The following PTPRD variants were observed in gnomAD, a reference collection of about 807,000 sequenced individuals.
PTPRD encodes protein tyrosine phosphatase receptor type D.
In PTPRD, 34 loss-of-function variants were observed where a neutral mutation model predicts 214.5. The ratio of observed to expected loss-of-function variants is 0.16; its 90% CI spans 0.12 to 0.21. The LOEUF is 0.21. PTPRD is among the 10% of genes least tolerant of loss of function. PTPRD has a pLI of 1.00. For missense variants in PTPRD, 2,545 were observed against 2,398.7 expected, an observed-to-expected ratio of 1.06 and a Z score of -1.27; for synonymous variants, 1,128 against 845.7, an observed-to-expected ratio of 1.33 and a Z score of -5.79.
intron 2 of PTPRD, among the ~76,000 whole-genome samples, chr9:10,518,237 A>G (rs1566685985): frequency 1.3e-5 from 2 of 152,200 alleles, no homozygotes; most frequent in Non-Finnish European, 2.9e-5. Flanking sequence ...ATGGTTCAAT[A>G]TCTTTCAATC....
intron 5 of PTPRD, among the ~76,000 whole-genome samples, chr9:9,841,939 C>A (rs551667455): frequency 2.4e-4 from 36 of 152,020 alleles, no homozygotes; most frequent in African/African-American, 8.7e-4. Flanking sequence ...CACATAAGTA[C>A]TCATGTTAAA....
intron 14 of PTPRD, among the ~76,000 whole-genome samples, chr9:8,530,306 G>A (rs1447862555): frequency 6.6e-6 from 1 of 151,880 alleles, no homozygotes. Context: ...GCCTCTTAGG[G>A]ATCAACTCTC....
intron 3 of PTPRD, among the ~76,000 whole-genome samples, chr9:10,331,436 G>A (rs891892154): frequency 1.3e-5 from 2 of 151,836 alleles, no homozygotes; most frequent in Non-Finnish European, 2.9e-5. Context: ...TGGAGCAGAG[G>A]CAAACCATTT....
chr9:10,003,106 A>C (rs2096373478), intron 4 of PTPRD, among the ~76,000 whole-genome samples: 1 of 151,888 alleles, frequency 6.6e-6, no homozygotes, highest in Non-Finnish European at 1.5e-5. Context: ...AGTGTGTCTT[A>C]AAGGAAAGAT....
At chr9:9,108,303 G>C (rs575834782) in intron 10 of PTPRD, among the ~76,000 whole-genome samples, 5 of 151,942 alleles carry the variant, frequency 3.3e-5, no homozygotes, top group Admixed American at 6.6e-5. Flanking sequence ...TTTCAACAAG[G>C]GGTGAAGATA....
intron 9 of PTPRD, among the ~76,000 whole-genome samples, chr9:9,333,600 G>C (rs1398043228): frequency 1.3e-5 from 2 of 149,590 alleles, no homozygotes; most frequent in African/African-American, 4.9e-5. Context: ...TAAAAGAAAA[G>C]CACTGGTCTG....
rs1017142147 is a variant in PTPRD, at chr9:9,687,714, G to C, written c.-287+46819C>G. On this transcript the variant is annotated intron_variant, in intron 7 of 45. Coordinates refer to ENST00000381196, the MANE Select transcript of PTPRD (RefSeq NM_002839.4). ...GCCTTCTCTGAAATCATGAAATCAA[G>C]ATTCTATTTTCATTTTATTGGTCTC... Among the ~76,000 whole-genome samples the C allele has an allele frequency of 2.0e-5, 3 of 151,526 alleles. No homozygotes were observed. In the South Asian group the frequency reaches 6.2e-4, roughly 32 times the overall value.
intron 6 of PTPRD, among the ~76,000 whole-genome samples, chr9:9,763,178 G>C (rs763252920): frequency 5.3e-5 from 8 of 152,042 alleles, no homozygotes; most frequent in African/African-American, 1.2e-4. Flanking sequence ...TTATTCAATG[G>C]ATTCATCCTA....
chr9:10,371,971 AT>A (rs1394964882), intron 2 of PTPRD, among the ~76,000 whole-genome samples: 1 of 152,046 alleles, frequency 6.6e-6, no homozygotes, highest in Admixed American at 6.6e-5. Flanking sequence ...TAGTTGAAAG[AT>A]GTGATGCTAA....
At chr9:8,935,955 C>G (rs1258991350) in intron 11 of PTPRD, 1 of 152,044 alleles carries the variant, frequency 6.6e-6, no homozygotes, top group Non-Finnish European at 1.5e-5. Flanking sequence ...AACCTTTTTC[C>G]TCAGTTTTAA....
chr9:10,468,006 G>C (rs888700382), intron 2 of PTPRD, among the ~76,000 whole-genome samples: 2 of 152,054 alleles, frequency 1.3e-5, no homozygotes, highest in African/African-American at 2.4e-5. Context: ...AAACAACAGA[G>C]GCTGGAAAGG....
intron 8 of PTPRD, among the ~76,000 whole-genome samples, chr9:9,470,806 G>C (rs114836684): frequency 6.6e-6 from 1 of 152,166 alleles, no homozygotes; most frequent in African/African-American, 2.4e-5. Context: ...TCAATGTGAA[G>C]CTGCCATGCT....
intron 11 of PTPRD, among the ~76,000 whole-genome samples, chr9:8,990,950 C>T (rs995778208): frequency 1.3e-5 from 2 of 152,024 alleles, no homozygotes; most frequent in African/African-American, 4.8e-5. Context: ...CACAGTGGCT[C>T]ATGTCTGTAG....
At position 8,694,450 on chromosome 9, in the gene PTPRD, G is replaced by C. The variant is rs538330009; in HGVS notation, c.64+39330C>G. ...CTGATGGAAAACATGATTTGTAATC[G>C]GTCCCACTGAAATAGAAATGTTCAG... On this transcript the variant is annotated intron_variant, in intron 12 of 45. Coordinates refer to ENST00000381196, the MANE Select transcript of PTPRD (RefSeq NM_002839.4). Among the ~76,000 whole-genome samples the C allele has an allele frequency of 1.2e-4, 18 of 152,082 alleles. No homozygotes were observed. The South Asian group carries it at 3.7e-3, about 32-fold the overall frequency.
intron 5 of PTPRD, among the ~76,000 whole-genome samples, chr9:9,862,081 T>C (rs1328473121): frequency 6.6e-6 from 1 of 152,200 alleles, no homozygotes; most frequent in Non-Finnish European, 1.5e-5. Context: ...AAATGCTACA[T>C]ACATTTGTAA....
intron 5 of PTPRD, among the ~76,000 whole-genome samples, chr9:9,830,382 A>G (rs1386456652): frequency 6.6e-6 from 1 of 151,892 alleles, no homozygotes; most frequent in Non-Finnish European, 1.5e-5. Flanking sequence ...CATAGAAAAT[A>G]TACCTGATAT....
intron 3 of PTPRD, among the ~76,000 whole-genome samples, chr9:10,222,225 A>G (rs1006903296): frequency 6.6e-6 from 1 of 152,072 alleles, no homozygotes; most frequent in Non-Finnish European, 1.5e-5. Flanking sequence ...TTTTCCTGCT[A>G]TGAGAGTTCA....
At chr9:9,191,662 G>A (rs767988305) in intron 9 of PTPRD, among the ~76,000 whole-genome samples, 9 of 152,038 alleles carry the variant, frequency 5.9e-5, no homozygotes, top group Admixed American at 5.3e-4. Flanking sequence ...AAGCAATGCT[G>A]TAACTCTTTA....
intron 11 of PTPRD, among the ~76,000 whole-genome samples, chr9:8,952,695 T>C (rs1353127951): frequency 6.6e-6 from 1 of 151,856 alleles, no homozygotes; most frequent in Non-Finnish European, 1.5e-5. Flanking sequence ...AGAAAAAATA[T>C]TATTTATTTG....
Sources: allele counts gnomAD v4.1 joint callset (sites outside exome capture counted in the v4.1 genomes callset), GRCh38; gene constraint gnomAD v4.1.1; transcripts MANE v1.5; gene names NCBI Gene and HGNC (gene_info 2026-07-23, HGNC 2026-07-21).